The following EDA variants were observed in gnomAD, a reference collection of about 807,000 sequenced individuals.
EDA encodes ectodysplasin A, also known as ectodysplasin-A.
A neutral mutation model predicts 23.6 loss-of-function variants in EDA; 2 were observed. That is an observed-to-expected ratio of 0.08 (90% confidence interval 0.03 to 0.27). The LOEUF (loss-of-function observed/expected upper bound fraction) is 0.27, where lower values mean the gene tolerates loss of function less well. EDA is among the 10% of genes least tolerant of loss of function. The pLI is 1.00. For missense variants in EDA, 229 were observed against 324.2 expected, an observed-to-expected ratio of 0.71 and a Z score of 2.26; for synonymous variants, 131 against 132.0, an observed-to-expected ratio of 0.99 and a Z score of 0.05.
chrX:69,831,324 G>T (rs1211531820), intron 1 of EDA, among the ~76,000 whole-genome samples: 1 of 112,018 alleles, frequency 8.9e-6, no homozygotes, highest in South Asian at 3.7e-4. Context: ...TTCTGTCCTT[G>T]TGATAGTTTG....
intron 1 of EDA, among the ~76,000 whole-genome samples, chrX:69,630,791 C>T (rs753199693): frequency 3.6e-5 from 4 of 111,662 alleles, no homozygotes; most frequent in Admixed American, 1.9e-4. Context: ...TTTTTCAAAT[C>T]GTGCTTTTAT....
intron 1 of EDA, among the ~76,000 whole-genome samples, chrX:69,639,373 G>A (rs950615792): frequency 1.9e-4 from 21 of 111,375 alleles, no homozygotes; most frequent in Non-Finnish European, 2.5e-4. Context: ...AATAATTTTC[G>A]CATTTTTACC....
At chrX:69,811,994 TTATACAACAAAAA>T (rs2015969635) in intron 1 of EDA, among the ~76,000 whole-genome samples, 2 of 111,474 alleles carry the variant, frequency 1.8e-5, no homozygotes, top group African/African-American at 6.5e-5. Flanking sequence ...CTGTCACCAA[TTATACAACAAAAA>T]TATACTCAGG....
chrX:69,951,109 G>A (rs200723847), intron 1 of EDA, among the ~76,000 whole-genome samples: 1 of 102,122 alleles, frequency 9.8e-6, no homozygotes. Context: ...AATAAAAAAA[G>A]AAAAAAAAAG....
intron 1 of EDA, among the ~76,000 whole-genome samples, chrX:69,815,188 G>T (rs965710267): frequency 5.3e-5 from 6 of 112,463 alleles, no homozygotes; most frequent in Middle Eastern, 4.6e-3. Context: ...TGCCATCTCT[G>T]CAGTTCAGTC....
At chrX:69,767,591 T>C (rs774249021) in intron 1 of EDA, among the ~76,000 whole-genome samples, 1 of 112,161 alleles carries the variant, frequency 8.9e-6, no homozygotes, top group Non-Finnish European at 1.9e-5. Flanking sequence ...ATTATAGATA[T>C]GTGACAATTC....
chrX:70,016,322 T>C (rs1228961767), intron 2 of EDA, among the ~76,000 whole-genome samples: 4 of 110,802 alleles, frequency 3.6e-5, no homozygotes, highest in African/African-American at 1.3e-4. Flanking sequence ...GAAAGATCAT[T>C]GAGGCAGAAA....
At chrX:69,756,718 C>T (rs113397791) in intron 1 of EDA, among the ~76,000 whole-genome samples, 1,861 of 112,035 alleles carry the variant, frequency 0.017, 44 homozygotes, top group African/African-American at 0.057. Context: ...ATATTTCCCC[C>T]GTCTCTTGAA....
Position 69,836,046 on chromosome X carries a change from CTGCAGAACAGCAAATAT to C in EDA, c.397-120960_397-120944del, listed in dbSNP as rs748079311. The stretch of plus-strand genomic sequence containing the variant: ...TGTGCCTGGGTATCACCAGTGGAGG[CTGCAGAACAGCAAATAT>C]TGCAGAACAGCAAATATTGCTGCCT... On this transcript the variant is annotated intron_variant, in intron 1 of 7. Transcript: ENST00000374552. Among the ~76,000 whole-genome samples, 727 of 112,232 alleles carry C rather than the reference CTGCAGAACAGCAAATAT, an allele frequency of 6.5e-3. 11 individuals are homozygous for C. The highest frequency in any genetic ancestry group is 0.022 in the African/African-American group (693 of 30,859).
At chrX:69,971,772 G>A (rs185054334) in intron 2 of EDA, among the ~76,000 whole-genome samples, 1 of 111,123 alleles carries the variant, frequency 9.0e-6, no homozygotes, top group African/African-American at 3.3e-5. Flanking sequence ...AGAGGTTAGA[G>A]ATTCCTTCTA....
At chrX:69,873,397 T>G (rs747339415) in intron 1 of EDA, among the ~76,000 whole-genome samples, 5 of 111,023 alleles carry the variant, frequency 4.5e-5, no homozygotes, top group Admixed American at 9.6e-5. Flanking sequence ...TAACAAAGAT[T>G]AGAGCAGAAC....
intron 1 of EDA, among the ~76,000 whole-genome samples, chrX:69,817,724 A>G (rs2016114642): frequency 8.9e-6 from 1 of 112,126 alleles, no homozygotes; most frequent in Non-Finnish European, 1.9e-5. Flanking sequence ...TCATAAAACA[A>G]GTTCTTAGAG....
At position 69,819,321 on chromosome X, in the gene EDA, C is replaced by T. The variant is rs370351661; in HGVS notation, c.397-137706C>T. On this transcript the variant is annotated intron_variant, in intron 1 of 7. Transcript: ENST00000374552. ...TGAAAACCAGCACAAGACAAGGATC[C>T]CATCTCTCACCACTCCTATTCACCA... Among the ~76,000 whole-genome samples the T allele has an allele frequency of 2.1e-4, 23 of 111,921 alleles. No homozygotes were observed. The East Asian group carries it at 5.6e-3, about 27-fold the overall frequency.
At chrX:69,983,147 G>A (rs1318779550) in intron 2 of EDA, among the ~76,000 whole-genome samples, 2 of 59,124 alleles carry the variant, frequency 3.4e-5, no homozygotes, top group Non-Finnish European at 5.8e-5. Context: ...GAGCCTATGT[G>A]TGTCTCTGCA....
chrX:69,922,088 G>T (rs762363583), intron 1 of EDA, among the ~76,000 whole-genome samples: 1 of 111,889 alleles, frequency 8.9e-6, no homozygotes, highest in African/African-American at 3.2e-5. Flanking sequence ...TCTTTCACTT[G>T]GCAATATATA....
At chrX:69,626,388 A>G (rs1306006440) in intron 1 of EDA, among the ~76,000 whole-genome samples, 1 of 112,255 alleles carries the variant, frequency 8.9e-6, no homozygotes, top group Middle Eastern at 4.2e-3. Flanking sequence ...CATAATAGTC[A>G]AAAAGTAAAA....
intron 1 of EDA, among the ~76,000 whole-genome samples, chrX:69,707,424 G>C (rs779150973): frequency 8.9e-6 from 1 of 112,182 alleles, no homozygotes; most frequent in East Asian, 2.8e-4. Context: ...GAGTTCATCA[G>C]ATGTCTTGTA....
At chrX:69,948,319 T>C (rs987366004) in intron 1 of EDA, among the ~76,000 whole-genome samples, 6 of 112,620 alleles carry the variant, frequency 5.3e-5, no homozygotes, top group Non-Finnish European at 1.1e-4. Context: ...GGAAGCAGAA[T>C]TCAGTGACTG....
rs1256499762 is a variant in EDA, at chrX:69,722,587, C to T, written c.396+105883C>T. On this transcript the variant is annotated intron_variant, in intron 1 of 7. Transcript: ENST00000374552. ...GCAATTTGAAATCCCTTTTTGTTAT[C>T]CTCAGAATATATCTCTTTTTAAGGC... 4.5e-5 allele frequency among the ~76,000 whole-genome samples: 5 copies of T among 111,544 alleles called. No homozygotes were observed. The Admixed American group carries it at 4.8e-4, about 11-fold the overall frequency.
Sources: allele counts gnomAD v4.1 joint callset (sites outside exome capture counted in the v4.1 genomes callset), GRCh38; gene constraint gnomAD v4.1.1; transcripts MANE v1.5; gene names NCBI Gene and HGNC (gene_info 2026-07-23, HGNC 2026-07-21).